Variants in TET1 observed in about 807,000 individuals in gnomAD.
TET1 encodes the protein tet methylcytosine dioxygenase 1.
In TET1, 13 loss-of-function variants were observed where a neutral mutation model predicts 148.7. That is an observed-to-expected ratio of 0.09 (90% CI 0.06 to 0.14). The LOEUF is 0.14. TET1 is among the 10% of genes least tolerant of loss of function. The pLI is 1.00. For synonymous variants in TET1, 907 were observed against 937.2 expected, an observed-to-expected ratio of 0.97 and a Z score of 0.59; for missense variants, 2,182 against 2,553.8, an observed-to-expected ratio of 0.85 and a Z score of 3.14.
chr10:68,682,888 G>A lies in TET1; in HGVS notation c.4967G>A (p.Arg1656His). The A allele has an allele frequency of 6.2e-7, 1 of 1,613,692 alleles. No individual in the cohort carries two copies. Among genetic ancestry groups the A allele is most frequent in the Non-Finnish European group, 8.5e-7 (1 of 1,179,934 alleles). The change falls in exon 10 of 12, where the codon CGT becomes CAT. Residue 1656 changes from arginine (R) to histidine (H), a missense_variant. Arg to His is a conservative substitution (Grantham distance 29). Around this residue, in one of 11 missense-constraint regions of TET1, gnomAD observed 55 missense variants for 149.8 expected, o/e 0.37. Coordinates refer to ENST00000373644, the MANE Select transcript of TET1 (RefSeq NM_030625.3). The stretch of plus-strand genomic sequence containing the variant: ...TGTCGGCTTGGCAGCAAGGAAGGTC[G>A]TCCCTTCTCTGGGGTCACTGCTTGC... The part of the protein sequence containing the change: ...RECRLGSKEG[R>H]PFSGVTACLD...
chr10:68,680,061 T>G (rs1039621846), intron 8 of TET1, among the ~76,000 whole-genome samples: 1 of 152,224 alleles, frequency 6.6e-6, no homozygotes, highest in Non-Finnish European at 1.5e-5. Flanking sequence ...TGGATTTTTT[T>G]TGTGTAATCA....
intron 6 of TET1, among the ~76,000 whole-genome samples, chr10:68,662,207 C>T (rs189838378): frequency 1.5e-3 from 228 of 152,106 alleles, no homozygotes; most frequent in Non-Finnish European, 2.3e-3. Context: ...CGGGATTTCA[C>T]CATGTTGGCC....
At chr10:68,627,027 C>G (rs1163085122) in intron 3 of TET1, among the ~76,000 whole-genome samples, 1 of 152,162 alleles carries the variant, frequency 6.6e-6, no homozygotes, top group Non-Finnish European at 1.5e-5. Flanking sequence ...AATCCCAACA[C>G]TTTGGGAGGC....
At chr10:68,660,523 G>A (rs12251020) in intron 6 of TET1, among the ~76,000 whole-genome samples, 94 of 151,580 alleles carry the variant, frequency 6.2e-4, no homozygotes, top group African/African-American at 1.3e-3. Flanking sequence ...GTATTTTTTA[G>A]TAGGGATGGG....
intron 6 of TET1, among the ~76,000 whole-genome samples, 165 bp downstream of exon 6, chr10:68,652,759 C>G (rs926998523): frequency 6.6e-6 from 1 of 151,838 alleles, no homozygotes; most frequent in African/African-American, 2.4e-5. Flanking sequence ...TGCAATCACA[C>G]CTCACTGCAG....
chr10:68,612,244 C>T (rs1729934474), intron 3 of TET1, among the ~76,000 whole-genome samples: 1 of 152,096 alleles, frequency 6.6e-6, no homozygotes, highest in Non-Finnish European at 1.5e-5. Context: ...GGCACACCAC[C>T]ACACCCAGCT....
intron 7 of TET1, among the ~76,000 whole-genome samples, chr10:68,670,432 T>C (rs1354646709): frequency 6.6e-6 from 1 of 152,216 alleles, no homozygotes; most frequent in Non-Finnish European, 1.5e-5. Context: ...ATACAACCTA[T>C]AGCCAAAGAT....
At chr10:68,586,002 CAA>C (rs36101307) in intron 2 of TET1, among the ~76,000 whole-genome samples, 51 of 132,190 alleles carry the variant, frequency 3.9e-4, no homozygotes, top group Admixed American at 5.5e-4. Flanking sequence ...GACTCCATCT[CAA>C]AAAAAAAAAA....
chr10:68,682,795 CTT>C (rs761987455), intron 9 of TET1, 39 bp from the exon 10 acceptor site: 2 of 1,571,950 alleles, frequency 1.3e-6, no homozygotes, highest in East Asian at 4.5e-5. Flanking sequence ...AGGTGATTTC[CTT>C]CTCTCTCTTA....
intron 3 of TET1, among the ~76,000 whole-genome samples, chr10:68,610,207 C>G (rs565772533): frequency 4.0e-5 from 6 of 151,850 alleles, no homozygotes; most frequent in African/African-American, 1.5e-4. Flanking sequence ...GATGTGAACC[C>G]GGGAGATGGA....
At chr10:68,568,412 AG>A (rs2053630712) in intron 1 of TET1, among the ~76,000 whole-genome samples, 1 of 151,508 alleles carries the variant, frequency 6.6e-6, no homozygotes, top group African/African-American at 2.4e-5. Context: ...TAGTAGAGAC[AG>A]GGTTTCACCA....
chr10:68,624,161 A>G (rs955424288), intron 3 of TET1, among the ~76,000 whole-genome samples: 1 of 150,516 alleles, frequency 6.6e-6, no homozygotes, highest in African/African-American at 2.4e-5. Context: ...CAGTGTCGCA[A>G]TCTCGGCCCA....
At chr10:68,640,700 T>G (rs201741957) in intron 3 of TET1, among the ~76,000 whole-genome samples, 1 of 150,992 alleles carries the variant, frequency 6.6e-6, no homozygotes, top group South Asian at 2.1e-4. Context: ...TACAGGCGCC[T>G]GCCACCACAC....
At chr10:68,608,669 G>A (rs1326257889) in intron 3 of TET1, among the ~76,000 whole-genome samples, 4 of 152,016 alleles carry the variant, frequency 2.6e-5, no homozygotes, top group Non-Finnish European at 5.9e-5. Context: ...TGAGTAGCTG[G>A]GACTAAAAGT....
At chr10:68,629,760 T>A (rs1166662938) in intron 3 of TET1, among the ~76,000 whole-genome samples, 1 of 152,018 alleles carries the variant, frequency 6.6e-6, no homozygotes, top group African/African-American at 2.4e-5. Flanking sequence ...ATGGTCTCGA[T>A]CTCCTGATCT....
chr10:68,656,919 A>G (rs2133134080), intron 6 of TET1, among the ~76,000 whole-genome samples: 1 of 151,930 alleles, frequency 6.6e-6, no homozygotes, highest in East Asian at 2.0e-4. Flanking sequence ...CCAGCTACTC[A>G]GGAGGCTGAG....
chr10:68,676,298 T>G (rs1420449014), intron 8 of TET1, among the ~76,000 whole-genome samples: 5 of 106,980 alleles, frequency 4.7e-5, no homozygotes, highest in African/African-American at 1.4e-4. Flanking sequence ...TTTTTTTTTC[T>G]TCTGAGACGG....
intron 10 of TET1, among the ~76,000 whole-genome samples, chr10:68,685,906 A>G (rs928760363): frequency 8.7e-4 from 132 of 152,292 alleles, no homozygotes; most frequent in African/African-American, 3.0e-3. Flanking sequence ...AGAGAAATCA[A>G]TTATGTCCCT....
intron 3 of TET1, among the ~76,000 whole-genome samples, chr10:68,628,102 A>G (rs1315360639): frequency 1.3e-5 from 2 of 151,916 alleles, no homozygotes; most frequent in African/African-American, 4.8e-5. Flanking sequence ...ACCCACCAAC[A>G]CGCCCAGCTA....
Sources: gnomAD v4.1 joint callset for allele counts (sites outside exome capture counted in the v4.1 genomes callset) on GRCh38, gnomAD v4.1.1 for gene constraint, gnomAD v4.1.1 regional missense constraint, MANE v1.5 for transcripts, NCBI Gene and HGNC (gene_info 2026-07-23, HGNC 2026-07-21) for gene names.